Variants in PDE7B observed in about 807,000 individuals in gnomAD.
PDE7B encodes the protein phosphodiesterase 7B.
PDE7B carries 29 observed loss-of-function variants against 56.2 expected under a neutral mutation model. The ratio of observed to expected loss-of-function variants is 0.52; its 90% CI spans 0.38 to 0.70. The LOEUF is 0.70. Ranked by LOEUF, PDE7B falls within the 30% of genes least tolerant of loss-of-function variation. The probability of loss-of-function intolerance (pLI) is 0.00; values close to 1 mark genes in which losing one functional copy is unlikely to be tolerated. For missense variants in PDE7B, 490 were observed against 565.0 expected (o/e 0.87, Z 1.35); for synonymous variants, 197 against 196.9 (o/e 1.00, Z 0.00).
At chr6:136,000,087 G>A (rs951732347) in intron 2 of PDE7B, among the ~76,000 whole-genome samples, 2 of 152,142 alleles carry the variant, frequency 1.3e-5, no homozygotes, top group South Asian at 4.1e-4. Context: ...TTTTAATGAA[G>A]TTGTTTGTTG....
At chr6:136,048,076 ATG>A (rs1776546683) in intron 2 of PDE7B, among the ~76,000 whole-genome samples, 23 of 142,752 alleles carry the variant, frequency 1.6e-4, no homozygotes, top group African/African-American at 5.0e-4. Flanking sequence ...GGATGGGTGG[ATG>A]GATAGATAGA....
Position 135,915,804 on chromosome 6 carries a change from G to A in PDE7B, c.22-31660G>A, listed in dbSNP as rs376580756. Among the ~76,000 whole-genome samples, 18 of 152,318 alleles carry A rather than the reference G, an allele frequency of 1.2e-4. 2 individuals are homozygous for A. Among genetic ancestry groups the A allele is most frequent in the East Asian group, 5.8e-4 (3 of 5,186 alleles). On this transcript the variant is annotated intron_variant, in intron 1 of 12. Transcript: ENST00000308191. ...TCATCCATGTAGAATTATACGGAAT[G>A]TGCGTCTGTCTGTGGGCTGGCTCCT...
At chr6:135,856,348 A>G (rs1199420419) in intron 1 of PDE7B, among the ~76,000 whole-genome samples, 3 of 152,192 alleles carry the variant, frequency 2.0e-5, no homozygotes, top group Non-Finnish European at 4.4e-5. Context: ...AAACTTTAAT[A>G]TTACAAGACA....
At chr6:136,071,588 A>C (rs1777051381) in intron 2 of PDE7B, among the ~76,000 whole-genome samples, 1 of 152,114 alleles carries the variant, frequency 6.6e-6, no homozygotes, top group South Asian at 2.1e-4. Flanking sequence ...AGAAATTATA[A>C]ACTTCTCTGG....
chr6:135,980,091 A>C (rs199524915), intron 2 of PDE7B, among the ~76,000 whole-genome samples: 2 of 150,556 alleles, frequency 1.3e-5, no homozygotes, highest in African/African-American at 2.4e-5. Flanking sequence ...ACCAAAACAG[A>C]GATATAGATC....
At chr6:135,899,715 A>AT (rs1562430941) in intron 1 of PDE7B, among the ~76,000 whole-genome samples, 1 of 151,886 alleles carries the variant, frequency 6.6e-6, no homozygotes, top group Admixed American at 6.6e-5. Context: ...TTATTTTTGG[A>AT]TTTCTAATTT....
intron 2 of PDE7B, among the ~76,000 whole-genome samples, chr6:136,061,229 T>C (rs1374272193): frequency 1.3e-5 from 2 of 152,192 alleles, no homozygotes; most frequent in Admixed American, 6.5e-5. Flanking sequence ...TGTGTTTGAA[T>C]TCTTTCTCCT....
rs368984973 is a variant in PDE7B at position 135,898,839 on chromosome 6, ACT to A, written c.21+46823_21+46824del. Among the ~76,000 whole-genome samples the A allele has an allele frequency of 2.9e-3, 438 of 152,164 alleles. 2 individuals carry two copies. Among genetic ancestry groups the A allele is most frequent in the South Asian group, 0.013 (65 of 4,820 alleles). ...CTAGGGAATAAATGCTAGAAGTAAAACTCTAGTGGCAAATGTATTAAACCTTT... is the reference window on the plus strand; with the variant it reads ...CTAGGGAATAAATGCTAGAAGTAAAACTAGTGGCAAATGTATTAAACCTTT... On this transcript the variant is annotated intron_variant, in intron 1 of 12. Coordinates refer to ENST00000308191, the MANE Select transcript of PDE7B (RefSeq NM_018945.4).
At chr6:136,138,964 ATTT>A (rs1208861196) in intron 3 of PDE7B, among the ~76,000 whole-genome samples, 1 of 151,916 alleles carries the variant, frequency 6.6e-6, no homozygotes. Flanking sequence ...TAATTACTGG[ATTT>A]TTTTGTTGTT....
intron 2 of PDE7B, among the ~76,000 whole-genome samples, chr6:135,983,537 A>G (rs545078449): frequency 6.6e-6 from 1 of 152,260 alleles, no homozygotes; most frequent in South Asian, 2.1e-4. Context: ...AAGTGTCCCA[A>G]TTATTACATT....
intron 1 of PDE7B, among the ~76,000 whole-genome samples, chr6:135,863,924 A>G (rs2128185112): frequency 6.6e-6 from 1 of 152,154 alleles, no homozygotes; most frequent in South Asian, 2.1e-4. Flanking sequence ...TAATCCTTTT[A>G]TAATTAATGG....
intron 2 of PDE7B, among the ~76,000 whole-genome samples, chr6:136,086,914 G>A (rs542854097): frequency 2.2e-4 from 34 of 152,298 alleles, no homozygotes; most frequent in South Asian, 1.0e-3. Flanking sequence ...GCACCAGAAC[G>A]TGCCAATCAC....
intron 4 of PDE7B, among the ~76,000 whole-genome samples, 199 bp downstream of exon 4, chr6:136,147,701 A>G (rs1311940887): frequency 6.6e-6 from 1 of 152,248 alleles, no homozygotes; most frequent in East Asian, 1.9e-4. Context: ...TGCACGAAGT[A>G]AACCATGTTT....
intron 3 of PDE7B, among the ~76,000 whole-genome samples, chr6:136,146,491 A>T (rs1778414418): frequency 6.6e-6 from 1 of 152,238 alleles, no homozygotes; most frequent in South Asian, 2.1e-4. Context: ...ACCATTAGAA[A>T]GTAAACACTC....
intron 1 of PDE7B, among the ~76,000 whole-genome samples, chr6:135,935,217 T>TATATATATA (rs1554268029): frequency 2.6e-4 from 24 of 91,160 alleles, no homozygotes; most frequent in African/African-American, 5.4e-4. Context: ...TATATATATA[T>TATATATATA]TTTCATGATT....
chr6:135,876,681 A>AC lies in PDE7B; in HGVS notation c.21+24667dup, dbSNP rs200423700. Among the ~76,000 whole-genome samples the AC allele has an allele frequency of 4.2e-4, 63 of 151,590 alleles. No homozygotes were observed. In the East Asian group the frequency reaches 9.0e-3, roughly 22 times the overall value. On this transcript the variant is annotated intron_variant, in intron 1 of 12. Transcript: ENST00000308191. The stretch of plus-strand genomic sequence containing the variant: ...AGACCAGCCTGGCCAACATGGTGAG[A>AC]CCCCCGTCTCTACTAAAAATACAAA...
intron 2 of PDE7B, among the ~76,000 whole-genome samples, chr6:136,065,699 G>A (rs1227153636): frequency 6.6e-6 from 1 of 152,046 alleles, no homozygotes; most frequent in Non-Finnish European, 1.5e-5. Context: ...TTAAATTATA[G>A]AGTTCAGTGT....
At chr6:136,174,764 G>T (rs993979857) in intron 9 of PDE7B, among the ~76,000 whole-genome samples, 1 of 152,046 alleles carries the variant, frequency 6.6e-6, no homozygotes, top group East Asian at 1.9e-4. Flanking sequence ...CTGTTTCCTA[G>T]CACCCAGAGG....
chr6:135,872,518 T>G (rs772709973), intron 1 of PDE7B, among the ~76,000 whole-genome samples: 7 of 152,206 alleles, frequency 4.6e-5, no homozygotes, highest in Non-Finnish European at 1.0e-4. Flanking sequence ...CAAATGCAAG[T>G]GTTCACAGTA....
Sources: gnomAD v4.1 joint callset for allele counts (sites outside exome capture counted in the v4.1 genomes callset) on GRCh38, gnomAD v4.1.1 for gene constraint, MANE v1.5 for transcripts, NCBI Gene and HGNC (gene_info 2026-07-23, HGNC 2026-07-21) for gene names.